The following RASGRF2 variants were observed in gnomAD, a reference collection of about 807,000 sequenced individuals.
The protein encoded by RASGRF2 is Ras protein specific guanine nucleotide releasing factor 2, also known as ras-specific guanine nucleotide-releasing factor 2.
A neutral mutation model predicts 151.0 loss-of-function variants in RASGRF2; 76 were observed. The ratio of observed to expected loss-of-function variants is 0.50; its 90% CI spans 0.42 to 0.61. The LOEUF is 0.61. RASGRF2 is among the 20% of genes least tolerant of loss of function. RASGRF2 has a pLI of 0.00. For synonymous variants in RASGRF2, 504 were observed against 566.5 expected, an observed-to-expected ratio of 0.89 and a Z score of 1.57; for missense variants, 1,148 against 1,564.6, an observed-to-expected ratio of 0.73 and a Z score of 4.49.
chr5:81,095,131 C>A, intron 12 of RASGRF2, 139 bp downstream of exon 12: 1 of 564,296 alleles, frequency 1.8e-6, no homozygotes, highest in Non-Finnish European at 2.7e-6. Flanking sequence ...CACTATGTAT[C>A]TTGATAAGCT....
At chr5:81,003,315 C>T (rs567042341) in intron 1 of RASGRF2, among the ~76,000 whole-genome samples, 11 of 151,738 alleles carry the variant, frequency 7.2e-5, no homozygotes, top group East Asian at 3.9e-4. Flanking sequence ...CTCCGCCTCC[C>T]GGGTTCACGC....
intron 1 of RASGRF2, among the ~76,000 whole-genome samples, chr5:81,011,301 A>T (rs1441084611): frequency 1.3e-5 from 2 of 151,774 alleles, no homozygotes; most frequent in East Asian, 3.9e-4. Context: ...CTATTTATTC[A>T]TGATATGACT....
chr5:81,201,981 AT>A (rs371490250), intron 19 of RASGRF2, among the ~76,000 whole-genome samples: 27,888 of 151,858 alleles, frequency 0.18, 2,682 homozygotes, highest in Middle Eastern at 0.25. Flanking sequence ...ACTATGGGGG[AT>A]TGTATAAGGT....
intron 26 of RASGRF2, among the ~76,000 whole-genome samples, chr5:81,222,457 A>G (rs1271147720): frequency 6.6e-6 from 1 of 152,076 alleles, no homozygotes; most frequent in Non-Finnish European, 1.5e-5. Context: ...TGCACAGTTT[A>G]CTTGTACACA....
At chr5:81,139,776 A>G (rs534051982) in intron 17 of RASGRF2, among the ~76,000 whole-genome samples, 1 of 152,234 alleles carries the variant, frequency 6.6e-6, no homozygotes, top group East Asian at 1.9e-4. Flanking sequence ...GCGCCTATCA[A>G]AATAATCCCA....
At position 81,143,798 on chromosome 5, in the gene RASGRF2, G is replaced by A. The variant is rs374465167; in HGVS notation, c.2686+16635G>A. ...CTAGCTACTCAGGAGGCTGAGGCAG[G>A]AGAATTGCTTGAACCTGGGAGGCAG... On this transcript the variant is annotated intron_variant, in intron 17 of 26. Transcript: ENST00000265080. Among the ~76,000 whole-genome samples, 9 of 151,888 alleles carry A rather than the reference G, an allele frequency of 5.9e-5. No individual in the cohort carries two copies. The East Asian group carries it at 1.6e-3, about 26-fold the overall frequency.
At chr5:81,026,789 G>T (rs1316304943) in intron 1 of RASGRF2, among the ~76,000 whole-genome samples, 1 of 152,118 alleles carries the variant, frequency 6.6e-6, no homozygotes, top group East Asian at 1.9e-4. Flanking sequence ...GCAGAGGACA[G>T]GTTATATTAA....
chr5:81,018,329 C>T lies in RASGRF2; in HGVS notation c.289-24548C>T, dbSNP rs528223485. Among the ~76,000 whole-genome samples, 7 of 152,102 alleles carry T rather than the reference C, an allele frequency of 4.6e-5. No homozygotes were observed. In the East Asian group the frequency reaches 9.7e-4, roughly 21 times the overall value. On this transcript the variant is annotated intron_variant, in intron 1 of 26. Transcript: ENST00000265080. ...CAAAGTATTTCCCCCTGTTTTATGCCGACCTTACTGTTATTTTTGTTCTGC... is the reference window on the plus strand; with the variant it reads ...CAAAGTATTTCCCCCTGTTTTATGCTGACCTTACTGTTATTTTTGTTCTGC...
chr5:81,065,127 C>T (rs1751561939), intron 2 of RASGRF2, among the ~76,000 whole-genome samples: 1 of 152,106 alleles, frequency 6.6e-6, no homozygotes, highest in African/African-American at 2.4e-5. Context: ...TTGATTGACA[C>T]CGTGATCGTA....
At chr5:81,087,188 C>T in intron 9 of RASGRF2, 1 of 703,256 alleles carries the variant, frequency 1.4e-6, no homozygotes, top group Non-Finnish European at 2.6e-6. Context: ...CAGTTACATT[C>T]TGACTGGACG....
intron 16 of RASGRF2, among the ~76,000 whole-genome samples, chr5:81,125,836 A>G (rs1365337172): frequency 6.6e-6 from 1 of 152,274 alleles, no homozygotes; most frequent in Admixed American, 6.5e-5. Flanking sequence ...TCATAGAGAC[A>G]TAGAAACATG....
intron 14 of RASGRF2, chr5:81,113,287 G>A (rs1159836704): frequency 1.3e-5 from 7 of 557,764 alleles, no homozygotes; most frequent in Non-Finnish European, 1.9e-5. Flanking sequence ...CGTCTAACAA[G>A]CTCCCCAGAG....
chr5:81,085,218 G>A (rs1384128622), intron 7 of RASGRF2, among the ~76,000 whole-genome samples: 2 of 152,150 alleles, frequency 1.3e-5, no homozygotes, highest in Non-Finnish European at 2.9e-5. Context: ...CCTCTGGTTG[G>A]TGGAGTTTCT....
chr5:81,134,107 T>A (rs1008137467), intron 17 of RASGRF2, among the ~76,000 whole-genome samples: 1 of 151,220 alleles, frequency 6.6e-6, no homozygotes, highest in Non-Finnish European at 1.5e-5. Context: ...TGTGTGTGTG[T>A]GTGAGTGAAT....
intron 12 of RASGRF2, among the ~76,000 whole-genome samples, chr5:81,100,196 C>T (rs961917589): frequency 2.6e-5 from 4 of 152,188 alleles, no homozygotes; most frequent in East Asian, 3.9e-4. Flanking sequence ...CGTGAGCCAC[C>T]GCGCCCGGCC....
At chr5:81,217,283 C>T in intron 24 of RASGRF2, 73 bp from the exon 25 acceptor site, 3 of 1,511,670 alleles carry the variant, frequency 2.0e-6, no homozygotes, top group Non-Finnish European at 2.6e-6. Flanking sequence ...TTTAATCCTC[C>T]TTTGTTTAAT....
intron 1 of RASGRF2, chr5:80,997,168 T>G (rs1299844962): frequency 6.6e-6 from 1 of 152,206 alleles, no homozygotes; most frequent in Middle Eastern, 3.2e-3. Context: ...GAGTTGCAGG[T>G]GCAAACAGGA....
At chr5:81,152,265 G>A (rs11746033) in intron 17 of RASGRF2, among the ~76,000 whole-genome samples, 4,353 of 152,230 alleles carry the variant, frequency 0.029, 98 homozygotes, top group Non-Finnish European at 0.048. Context: ...GCCTCCCAAA[G>A]TGCTGAGATT....
intron 1 of RASGRF2, among the ~76,000 whole-genome samples, chr5:81,032,937 A>G (rs1750319861): frequency 1.3e-5 from 2 of 152,244 alleles, no homozygotes; most frequent in Admixed American, 1.3e-4. Context: ...CTGATAAGCA[A>G]CATCAGCAAA....
Sources: gnomAD v4.1 joint callset for allele counts (sites outside exome capture counted in the v4.1 genomes callset) on GRCh38, gnomAD v4.1.1 for gene constraint, MANE v1.5 for transcripts, NCBI Gene and HGNC (gene_info 2026-07-23, HGNC 2026-07-21) for gene names.